Variants in AUTS2 observed in about 807,000 individuals in gnomAD.
AUTS2 encodes activator of transcription and developmental regulator AUTS2.
A neutral mutation model predicts 112.4 loss-of-function variants in AUTS2; 17 were observed. That is an observed-to-expected ratio of 0.15 (90% CI 0.10 to 0.23). AUTS2 has a LOEUF of 0.23. Ranked by LOEUF, AUTS2 falls within the 10% of genes least tolerant of loss-of-function variation. AUTS2 has a pLI of 1.00. For missense variants in AUTS2, 1,510 were observed against 1,701.6 expected (o/e 0.89, Z 1.98); for synonymous variants, 751 against 702.7 (o/e 1.07, Z -1.09).
intron 2 of AUTS2, among the ~76,000 whole-genome samples, chr7:70,109,460 C>A (rs1804953951): frequency 6.6e-6 from 1 of 152,116 alleles, no homozygotes; most frequent in Non-Finnish European, 1.5e-5. Flanking sequence ...CTCTTTAATT[C>A]TTGTACATCT....
At chr7:70,534,662 G>A (rs1191711269) in intron 5 of AUTS2, among the ~76,000 whole-genome samples, 1 of 152,180 alleles carries the variant, frequency 6.6e-6, no homozygotes, top group African/African-American at 2.4e-5. Flanking sequence ...CTGACCTCAG[G>A]TGATCCGCCC....
At chr7:70,359,715 C>T (rs1467868315) in intron 4 of AUTS2, among the ~76,000 whole-genome samples, 1 of 152,178 alleles carries the variant, frequency 6.6e-6, no homozygotes, top group Non-Finnish European at 1.5e-5. Flanking sequence ...CTACACCCCA[C>T]CTCCCAACAC....
intron 6 of AUTS2, among the ~76,000 whole-genome samples, chr7:70,722,710 T>C (rs1161557067): frequency 6.6e-6 from 1 of 152,220 alleles, no homozygotes; most frequent in Middle Eastern, 3.2e-3. Context: ...AAAACATTCT[T>C]CTTCACAATG....
At position 70,752,736 on chromosome 7, in the gene AUTS2, T is replaced by C. The variant is rs73437359; in HGVS notation, c.743-10134T>C. Among the ~76,000 whole-genome samples the C allele has an allele frequency of 6.2e-3, 940 of 152,324 alleles. 12 individuals carry two copies. Among genetic ancestry groups the C allele is most frequent in the African/African-American group, 0.022 (901 of 41,570 alleles). On this transcript the variant is annotated intron_variant, in intron 6 of 18. Transcript: ENST00000342771. ...TGTGACCTTGACATTGTTGAGTTTC[T>C]AAAGACTTTTTAAGGATGCCATACC...
At chr7:69,714,289 G>GTGTGTGTGTGTGTT (rs1364673983) in intron 1 of AUTS2, among the ~76,000 whole-genome samples, 47 of 149,832 alleles carry the variant, frequency 3.1e-4, no homozygotes, top group African/African-American at 1.0e-3. Flanking sequence ...GTGTGTGTGT[G>GTGTGTGTGTGTGTT]TAGAGACCAA....
intron 6 of AUTS2, among the ~76,000 whole-genome samples, chr7:70,731,180 C>T (rs538483906): frequency 6.6e-6 from 1 of 152,094 alleles, no homozygotes; most frequent in South Asian, 2.1e-4. Flanking sequence ...ATATTTTCTC[C>T]CATTTTGTGA....
intron 6 of AUTS2, among the ~76,000 whole-genome samples, chr7:70,739,092 C>T (rs918980294): frequency 1.5e-5 from 2 of 132,998 alleles, no homozygotes; most frequent in Non-Finnish European, 3.1e-5. Context: ...GTGTTGCTGT[C>T]ATAGCTCACT....
Position 69,634,270 on chromosome 7 carries a change from C to T in AUTS2, c.309+34308C>T, listed in dbSNP as rs376005920. 1.2e-4 allele frequency among the ~76,000 whole-genome samples: 18 copies of T among 151,950 alleles called. No individual in the cohort carries two copies. In the East Asian group the frequency reaches 3.5e-3, roughly 29 times the overall value. ...GAGTAGCTGGGACTACAGGCGCCCG[C>T]CATCACGCCCGGCTAATTTTTTTGT... On this transcript the variant is annotated intron_variant, in intron 1 of 18. Transcript: ENST00000342771.
intron 1 of AUTS2, among the ~76,000 whole-genome samples, chr7:69,876,343 AAAAAAAATAT>A (rs1481772634): frequency 4.1e-4 from 33 of 80,500 alleles, no homozygotes; most frequent in Non-Finnish European, 7.5e-4. Flanking sequence ...AAAAAAAAAA[AAAAAAAATAT>A]ATATATATAT....
chr7:70,744,205 AG>A (rs576519743), intron 6 of AUTS2, among the ~76,000 whole-genome samples: 216 of 152,320 alleles, frequency 1.4e-3, no homozygotes, highest in African/African-American at 4.9e-3. Context: ...AGTACTGTCT[AG>A]ATCTGAGTAA....
intron 4 of AUTS2, among the ~76,000 whole-genome samples, chr7:70,160,977 A>G (rs1260707825): frequency 2.0e-5 from 3 of 152,188 alleles, no homozygotes; most frequent in South Asian, 2.1e-4. Context: ...GGAATTAATC[A>G]ATATGGAAAC....
intron 1 of AUTS2, among the ~76,000 whole-genome samples, chr7:69,645,118 C>T (rs1435129364): frequency 1.4e-5 from 2 of 145,990 alleles, no homozygotes. Flanking sequence ...TGCAGTGTTG[C>T]CCTGGCTGGT....
At chr7:70,078,185 T>C (rs1562668724) in intron 2 of AUTS2, among the ~76,000 whole-genome samples, 1 of 152,122 alleles carries the variant, frequency 6.6e-6, no homozygotes, top group African/African-American at 2.4e-5. Context: ...ACCCAGTGGA[T>C]ACCTGAAACT....
intron 1 of AUTS2, among the ~76,000 whole-genome samples, chr7:69,729,015 A>C (rs955498274): frequency 2.0e-5 from 3 of 152,174 alleles, no homozygotes; most frequent in Non-Finnish European, 4.4e-5. Flanking sequence ...TCTATGATAC[A>C]TTTATAATTT....
At chr7:70,495,213 C>T (rs1213902743) in intron 5 of AUTS2, among the ~76,000 whole-genome samples, 2 of 144,376 alleles carry the variant, frequency 1.4e-5, no homozygotes, top group Admixed American at 7.1e-5. Flanking sequence ...GCAAGCTCCT[C>T]TCCTGTGAAT....
chr7:70,064,802 A>G (rs1214347302), intron 2 of AUTS2, among the ~76,000 whole-genome samples: 1 of 152,186 alleles, frequency 6.6e-6, no homozygotes, highest in Non-Finnish European at 1.5e-5. Context: ...GTATGGCACT[A>G]TTAGACTTCC....
intron 5 of AUTS2, among the ~76,000 whole-genome samples, chr7:70,524,692 A>T (rs1284604146): frequency 6.6e-6 from 1 of 152,226 alleles, no homozygotes; most frequent in East Asian, 1.9e-4. Context: ...ACTCCAGTTC[A>T]TTAAATGTTA....
chr7:69,962,660 G>A (rs1797477156), intron 2 of AUTS2, among the ~76,000 whole-genome samples: 1 of 151,914 alleles, frequency 6.6e-6, no homozygotes, highest in African/African-American at 2.4e-5. Context: ...GTTCAGGTCT[G>A]AGAGAATTTT....
chr7:69,761,309 C>T (rs2129286207), intron 1 of AUTS2, among the ~76,000 whole-genome samples: 1 of 152,306 alleles, frequency 6.6e-6, no homozygotes, highest in African/African-American at 2.4e-5. Context: ...ATAAATGTAA[C>T]ATCCACTAAC....
Sources: gnomAD v4.1 joint callset for allele counts (sites outside exome capture counted in the v4.1 genomes callset) on GRCh38, gnomAD v4.1.1 for gene constraint, MANE v1.5 for transcripts, NCBI Gene and HGNC (gene_info 2026-07-23, HGNC 2026-07-21) for gene names.